The following HTR4 variants were observed in gnomAD, a reference collection of about 807,000 sequenced individuals.
HTR4 encodes the protein 5-hydroxytryptamine (serotonin) receptor 4, G protein-coupled.
Under a neutral mutation model 36.8 loss-of-function variants are expected in HTR4, and 16 were observed. That is an observed-to-expected ratio of 0.43 (90% CI 0.29 to 0.66). HTR4 has a LOEUF of 0.66. Ranked by LOEUF, HTR4 falls within the 30% of genes least tolerant of loss-of-function variation. The probability of loss-of-function intolerance (pLI) is 0.13; values close to 1 mark genes in which losing one functional copy is unlikely to be tolerated. For missense variants in HTR4, 438 were observed against 490.9 expected, an observed-to-expected ratio of 0.89 and a Z score of 1.02; for synonymous variants, 189 against 185.1, an observed-to-expected ratio of 1.02 and a Z score of -0.17.
intron 6 of HTR4, among the ~76,000 whole-genome samples, chr5:148,496,714 G>A (rs1410742884): frequency 6.6e-6 from 1 of 152,194 alleles, no homozygotes; most frequent in Non-Finnish European, 1.5e-5. Context: ...CTCATTGCAG[G>A]AGTTCAAGCA....
chr5:148,510,062 G>T, intron 5 of HTR4, 38 bp from the exon 6 acceptor site: 1 of 1,382,692 alleles, frequency 7.2e-7, no homozygotes, highest in Non-Finnish European at 9.9e-7. Flanking sequence ...AGGAAAGGAG[G>T]TAAAAAGGAA....
At chr5:148,644,414 G>A (rs992144849) in intron 1 of HTR4, among the ~76,000 whole-genome samples, 4 of 120,280 alleles carry the variant, frequency 3.3e-5, no homozygotes, top group Non-Finnish European at 4.9e-5. Flanking sequence ...TAGGTCTCAA[G>A]CTCACAAGTT....
chr5:148,585,988 A>C (rs1287167040), intron 2 of HTR4, among the ~76,000 whole-genome samples: 1 of 152,096 alleles, frequency 6.6e-6, no homozygotes, highest in East Asian at 1.9e-4. Flanking sequence ...TCACCATTTC[A>C]GCCTCAGCTT....
intron 6 of HTR4, chr5:148,490,683 T>C (rs1241901578): frequency 2.5e-6 from 3 of 1,193,832 alleles, no homozygotes; most frequent in Non-Finnish European, 3.2e-6. Context: ...AATTGACTGA[T>C]GGTCATCCAA....
Position 148,528,442 on chromosome 5 carries a change from C to T in HTR4, c.354-5096G>A, listed in dbSNP as rs374082278. On this transcript the variant is annotated intron_variant, in intron 4 of 6. Coordinates refer to ENST00000377888, the MANE Select transcript of HTR4 (RefSeq NM_000870.7). ...GGCAGCAGCCCTAAATAAGTCACCTCATATCCTTCCAATGTCTTTCTGATC... is the reference window on the plus strand; with the variant it reads ...GGCAGCAGCCCTAAATAAGTCACCTTATATCCTTCCAATGTCTTTCTGATC... Among the ~76,000 whole-genome samples, 38 of 152,196 alleles carry T rather than the reference C, an allele frequency of 2.5e-4. No individual in the cohort carries two copies. In the East Asian group the frequency reaches 7.0e-3, roughly 28 times the overall value.
intron 1 of HTR4, among the ~76,000 whole-genome samples, chr5:148,640,424 G>C (rs1753694521): frequency 6.6e-6 from 1 of 152,154 alleles, no homozygotes; most frequent in South Asian, 2.1e-4. Flanking sequence ...GCCAGTCCTA[G>C]AATTTTTGCT....
At chr5:148,643,180 T>A (rs1049789691) in intron 1 of HTR4, among the ~76,000 whole-genome samples, 1 of 152,156 alleles carries the variant, frequency 6.6e-6, no homozygotes, top group Non-Finnish European at 1.5e-5. Context: ...GTTTTTAACT[T>A]TTTTAAAAGT....
chr5:148,605,608 G>A (rs1401884819), intron 2 of HTR4, among the ~76,000 whole-genome samples: 6 of 152,052 alleles, frequency 3.9e-5, no homozygotes, highest in Admixed American at 6.5e-5. Context: ...TTCACGTTCC[G>A]CAGTTACTAC....
intron 2 of HTR4, among the ~76,000 whole-genome samples, chr5:148,609,739 G>T (rs1752331735): frequency 6.6e-6 from 1 of 151,798 alleles, no homozygotes; most frequent in African/African-American, 2.4e-5. Flanking sequence ...CTAATTTTTT[G>T]CATTTTTTAG....
At chr5:148,570,124 G>A (rs1760615469) in intron 2 of HTR4, among the ~76,000 whole-genome samples, 1 of 152,028 alleles carries the variant, frequency 6.6e-6, no homozygotes, top group South Asian at 2.1e-4. Context: ...CCAGCTCCAA[G>A]CAGAAAACAA....
chr5:148,472,239 G>A (rs1755586701), downstream of HTR4, among the ~76,000 whole-genome samples: 1 of 152,184 alleles, frequency 6.6e-6, no homozygotes, highest in African/African-American at 2.4e-5. Flanking sequence ...CAAGCCCTGA[G>A]TCTATTATTT....
At chr5:148,472,994 TGTAGAGGGAAAAAAG>T (rs1168381682), downstream of HTR4, among the ~76,000 whole-genome samples, 2 of 152,056 alleles carry the variant, frequency 1.3e-5, no homozygotes, top group Non-Finnish European at 2.9e-5. Flanking sequence ...AATGTCCAGA[TGTAGAGGGAAAAAAG>T]GTAGAAGAGG....
At chr5:148,579,356 T>C (rs1337116111) in intron 2 of HTR4, among the ~76,000 whole-genome samples, 1 of 152,080 alleles carries the variant, frequency 6.6e-6, no homozygotes, top group Non-Finnish European at 1.5e-5. Flanking sequence ...ACTTCTCACC[T>C]AATATCAAAT....
chr5:148,624,748 A>G (rs901004263), intron 2 of HTR4, among the ~76,000 whole-genome samples: 1 of 152,180 alleles, frequency 6.6e-6, no homozygotes, highest in Non-Finnish European at 1.5e-5. Context: ...AGGGGCATAG[A>G]GTGGAGATGG....
chr5:148,481,622 T>A lies in HTR4; in HGVS notation c.*1581A>T, dbSNP rs192960935. On this transcript the variant is annotated 3_prime_UTR_variant, in exon 7 of 7. Coordinates refer to ENST00000377888, the MANE Select transcript of HTR4 (RefSeq NM_000870.7). The stretch of plus-strand genomic sequence containing the variant: ...CAAAGTTTCTTCCTGTCGGTTTCAG[T>A]TCCAGAACTAAAGTAAACAACAATG... The A allele has an allele frequency of 3.3e-5, 50 of 1,508,722 alleles. No individual in the cohort carries two copies. In the African/African-American group the frequency reaches 6.2e-4, roughly 19 times the overall value. The allele number at this position is 1,508,722 out of a possible 1,614,324, so 93.5% of individuals were successfully genotyped here.
At chr5:148,618,035 G>A (rs911367752) in intron 2 of HTR4, among the ~76,000 whole-genome samples, 9 of 151,610 alleles carry the variant, frequency 5.9e-5, no homozygotes, top group East Asian at 2.1e-4. Flanking sequence ...TCTCCAAAAC[G>A]TGAGGAGATG....
At chr5:148,479,435 A>C (rs1057255262), downstream of HTR4, among the ~76,000 whole-genome samples, 4 of 152,262 alleles carry the variant, frequency 2.6e-5, no homozygotes, top group South Asian at 6.2e-4. Context: ...TTCAGTTATT[A>C]GTTTTCAGAC....
intron 5 of HTR4, chr5:148,521,002 C>A (rs548598895): frequency 2.9e-6 from 4 of 1,367,192 alleles, no homozygotes; most frequent in Non-Finnish European, 3.9e-6. Flanking sequence ...GCTAAGAATG[C>A]GGTGAAAAGA....
chr5:148,457,266 T>C (rs1279617331), intron 5 of HTR4, among the ~76,000 whole-genome samples: 3 of 152,130 alleles, frequency 2.0e-5, no homozygotes, highest in Admixed American at 1.3e-4. Context: ...CCTGGGCAGT[T>C]TCACATCTAA....
Sources: allele counts gnomAD v4.1 joint callset (sites outside exome capture counted in the v4.1 genomes callset), GRCh38; gene constraint gnomAD v4.1.1; transcripts MANE v1.5; gene names NCBI Gene and HGNC (gene_info 2026-07-23, HGNC 2026-07-21).